The following TMEM9 variants were observed in gnomAD, a reference collection of about 807,000 sequenced individuals.
The protein encoded by TMEM9 is proton-transporting V-type ATPase complex assembly regulator TMEM9.
Under a neutral mutation model 22.8 loss-of-function variants are expected in TMEM9, and 13 were observed. The observed-to-expected ratio is 0.57, with a 90% CI of 0.37 to 0.91. TMEM9 has a LOEUF of 0.91. Among genes scored for constraint, TMEM9 ranks in the 40% least tolerant of loss-of-function variants. The pLI is 0.01. For synonymous variants in TMEM9, 88 were observed against 93.0 expected (o/e 0.95, Z 0.31); for missense variants, 182 against 238.1 (o/e 0.76, Z 1.55).
chr1:201,158,813 C>A (rs1210359794), upstream of TMEM9, among the ~76,000 whole-genome samples: 1 of 152,188 alleles, frequency 6.6e-6, no homozygotes, highest in East Asian at 1.9e-4. Context: ...TTCATACCTG[C>A]TTTTATCCAA....
intron 3 of TMEM9, chr1:201,144,854 G>C (rs1558109394): frequency 6.6e-6 from 1 of 152,270 alleles, no homozygotes; most frequent in Non-Finnish European, 1.5e-5. Flanking sequence ...CCAGATGGTG[G>C]AGGTGTGACT....
At chr1:201,170,003 A>G (rs1666173256) in intron 1 of TMEM9, among the ~76,000 whole-genome samples, 1 of 147,884 alleles carries the variant, frequency 6.8e-6, no homozygotes, top group East Asian at 2.0e-4. Flanking sequence ...GGTCTTAAGC[A>G]ACAGAAACTG....
At chr1:201,151,950 G>A in intron 1 of TMEM9, 98 bp from the exon 2 acceptor site, 1 of 877,406 alleles carries the variant, frequency 1.1e-6, no homozygotes, top group South Asian at 1.4e-5. Flanking sequence ...TCCCCATCCT[G>A]TTAGGTGAAC....
Position 201,146,772 on chromosome 1 carries a change from T to G in TMEM9, c.235A>C (p.Arg79=). ...GTGGTGGTGCTGCGCTCCTCGTACC[T>G]GCACTCGCACAGCAGGCAGTAGGCC... is the stretch of plus-strand genomic sequence containing the variant. ...VEAYCLLCEC[R]YEERSTTTIK... Residue 79 remains arginine, a synonymous_variant, in exon 3 of 5, where the codon AGG becomes CGG. Transcript: ENST00000367330. The G allele has an allele frequency of 6.2e-7, 1 of 1,614,236 alleles. No individual in the cohort carries two copies. Among genetic ancestry groups the G allele is most frequent in the Non-Finnish European group, 8.5e-7 (1 of 1,180,032 alleles).
intron 1 of TMEM9, among the ~76,000 whole-genome samples, chr1:201,160,022 A>G (rs571422273): frequency 2.0e-4 from 30 of 152,166 alleles, no homozygotes; most frequent in Non-Finnish European, 4.4e-5. Flanking sequence ...ATGGCACTGC[A>G]TAAATAGAGG....
chr1:201,167,276 CT>C (rs1666101288), intron 1 of TMEM9, among the ~76,000 whole-genome samples: 1 of 152,202 alleles, frequency 6.6e-6, no homozygotes, highest in African/African-American at 2.4e-5. Context: ...TCAAATCAGT[CT>C]CTCTGAAGGC....
intron 4 of TMEM9, among the ~76,000 whole-genome samples, chr1:201,136,732 G>C (rs1424124724): frequency 6.6e-6 from 1 of 152,172 alleles, no homozygotes; most frequent in African/African-American, 2.4e-5. Context: ...ACCTGAACCT[G>C]ATCTTTGGAG....
chr1:201,155,056 G>A (rs1310161432), upstream of TMEM9, among the ~76,000 whole-genome samples: 1 of 152,170 alleles, frequency 6.6e-6, no homozygotes, highest in African/African-American at 2.4e-5. Context: ...AAGTGTGCAT[G>A]GCCAGGATGC....
In TMEM9 at chr1:201,165,149, A is replaced by G. The variant is rs1646155214; in HGVS notation, c.-37+6341T>C. The stretch of plus-strand genomic sequence containing the variant: ...ACATTTTATCACTTTTTAAGAGAAA[A>G]TTATATATATATATATATATATATA... On this transcript the variant is annotated intron_variant, in intron 1 of 5. Coordinates refer to the TMEM9 transcript ENST00000367333. 5.8e-5 allele frequency among the ~76,000 whole-genome samples: 2 copies of G among 34,572 alleles called. 1 individual carries two copies. Among genetic ancestry groups the G allele is most frequent in the Non-Finnish European group, 1.3e-4 (2 of 15,872 alleles). 22.7% of individuals were successfully genotyped at this position (34,572 alleles called of 152,430 possible). A position where few individuals can be genotyped will look rare whatever the true frequency, so the allele number is the denominator to read the frequency against.
intron 4 of TMEM9, among the ~76,000 whole-genome samples, chr1:201,137,171 C>T (rs955000709): frequency 6.6e-6 from 1 of 152,210 alleles, no homozygotes; most frequent in South Asian, 2.1e-4. Flanking sequence ...CTGAAAGGCA[C>T]GTGTGGCCAT....
At position 201,135,471 on chromosome 1, in the gene TMEM9, G is replaced by A. The variant is rs1007032227; in HGVS notation, c.*192C>T. Reference sequence around the variant, plus strand: ...ACCCAAGAAGACAACAGAGATCAGAGACCACATCCCTCTTCCCTAATCAAA... The same window carrying A: ...ACCCAAGAAGACAACAGAGATCAGAAACCACATCCCTCTTCCCTAATCAAA... On this transcript the variant is annotated 3_prime_UTR_variant, in exon 5 of 5. Coordinates refer to ENST00000367330, the MANE Select transcript of TMEM9 (RefSeq NM_001288565.2). 24 of 535,672 alleles carry A rather than the reference G, an allele frequency of 4.5e-5. No homozygotes were observed. In the South Asian group the frequency reaches 7.6e-4, roughly 17 times the overall value. The allele number at this position is 535,672 out of a possible 1,614,324, so 33.2% of individuals were successfully genotyped here. A position where few individuals can be genotyped will look rare whatever the true frequency, so the allele number is the denominator to read the frequency against.
At chr1:201,165,450 T>G (rs2102295863) in intron 1 of TMEM9, among the ~76,000 whole-genome samples, 1 of 151,654 alleles carries the variant, frequency 6.6e-6, no homozygotes, top group East Asian at 1.9e-4. Flanking sequence ...TTTCTTTTTT[T>G]TTTTTGAGAC....
intron 4 of TMEM9, among the ~76,000 whole-genome samples, chr1:201,138,606 G>C (rs1188127962): frequency 1.3e-5 from 2 of 152,202 alleles, no homozygotes; most frequent in Admixed American, 6.5e-5. Context: ...GCTTGGACAT[G>C]GATGGATTCC....
intron 1 of TMEM9, among the ~76,000 whole-genome samples, chr1:201,165,526 TC>T (rs1666054709): frequency 1.3e-5 from 2 of 151,806 alleles, no homozygotes; most frequent in Non-Finnish European, 1.5e-5. Context: ...AACCTCTGGC[TC>T]CCTGGTTCAA....
chr1:201,135,509 A>G lies in TMEM9; in HGVS notation c.*154T>C, dbSNP rs867907031. 3 of 745,576 alleles carry G rather than the reference A, an allele frequency of 4.0e-6. No homozygotes were observed. The highest frequency in any genetic ancestry group is 6.2e-4 in the Middle Eastern group (2 of 3,202). The allele number at this position is 745,576 out of a possible 1,614,324, so 46.2% of individuals were successfully genotyped here. A position where few individuals can be genotyped will look rare whatever the true frequency, so the allele number is the denominator to read the frequency against. The stretch of plus-strand genomic sequence containing the variant: ...TTCCCTAATCAAAATAGCCAAGTAC[A>G]ACATTTCTAAAGTTAGGGAGAAGGA... On this transcript the variant is annotated 3_prime_UTR_variant, in exon 5 of 5. Transcript: ENST00000367330.
intron 3 of TMEM9, among the ~76,000 whole-genome samples, chr1:201,146,034 T>C (rs1664931896): frequency 6.6e-6 from 1 of 152,168 alleles, no homozygotes. Flanking sequence ...TGGCCCAGGA[T>C]TGTTAGAACC....
intron 1 of TMEM9, among the ~76,000 whole-genome samples, chr1:201,169,062 T>C (rs891745851): frequency 2.0e-5 from 3 of 150,496 alleles, no homozygotes; most frequent in Non-Finnish European, 4.4e-5. Flanking sequence ...GGTTTTAGAA[T>C]GCACACATTT....
chr1:201,152,305 G>A (rs531010712), intron 1 of TMEM9, among the ~76,000 whole-genome samples: 1 of 152,160 alleles, frequency 6.6e-6, no homozygotes, highest in Admixed American at 6.5e-5. Context: ...CATAAAGGGC[G>A]AGGGTGAATA....
At chr1:201,164,243 A>G (rs1379797677) in intron 1 of TMEM9, among the ~76,000 whole-genome samples, 1 of 152,248 alleles carries the variant, frequency 6.6e-6, no homozygotes, top group African/African-American at 2.4e-5. Context: ...GGAGGTGGAT[A>G]TGACTATAAA....
Sources: gnomAD v4.1 joint callset for allele counts (sites outside exome capture counted in the v4.1 genomes callset) on GRCh38, gnomAD v4.1.1 for gene constraint, MANE v1.5 for transcripts, NCBI Gene and HGNC (gene_info 2026-07-23, HGNC 2026-07-21) for gene names.